ERBB4: variants seen among roughly 807,000 people sequenced by gnomAD.
The protein encoded by ERBB4 is erb-b2 receptor tyrosine kinase 4, also known as receptor tyrosine-protein kinase erbB-4.
A neutral mutation model predicts 158.0 loss-of-function variants in ERBB4; 42 were observed. The observed-to-expected ratio is 0.27, with a 90% confidence interval of 0.21 to 0.34. The LOEUF (loss-of-function observed/expected upper bound fraction) is 0.34, where lower values mean the gene tolerates loss of function less well. ERBB4 is among the 10% of genes least tolerant of loss of function. ERBB4 has a pLI of 1.00. For missense variants in ERBB4, 1,333 were observed against 1,624.1 expected, an observed-to-expected ratio of 0.82 and a Z score of 3.08; for synonymous variants, 583 against 558.7, an observed-to-expected ratio of 1.04 and a Z score of -0.61.
At chr2:212,114,831 G>T (rs1483127732) in intron 2 of ERBB4, among the ~76,000 whole-genome samples, 1 of 151,986 alleles carries the variant, frequency 6.6e-6, no homozygotes, top group Non-Finnish European at 1.5e-5. Flanking sequence ...CTCCAAAAAA[G>T]CTTTGTAAAA....
intron 1 of ERBB4, among the ~76,000 whole-genome samples, chr2:212,221,491 T>C (rs2083288941): frequency 1.3e-5 from 2 of 151,496 alleles, no homozygotes; most frequent in African/African-American, 2.4e-5. Context: ...TACAGACATC[T>C]CACTGAGTTT....
At chr2:211,756,974 C>A (rs1369233184) in intron 4 of ERBB4, among the ~76,000 whole-genome samples, 1 of 152,168 alleles carries the variant, frequency 6.6e-6, no homozygotes, top group East Asian at 1.9e-4. Flanking sequence ...CTAAAATATA[C>A]ATATAGCTTT....
chr2:211,527,391 GACAA>G (rs1336627788), intron 20 of ERBB4, among the ~76,000 whole-genome samples: 1 of 152,052 alleles, frequency 6.6e-6, no homozygotes, highest in African/African-American at 2.4e-5. Flanking sequence ...AATTTTGCCA[GACAA>G]ACAAAAGCTG....
chr2:211,875,946 C>T (rs2078487996), intron 3 of ERBB4, among the ~76,000 whole-genome samples: 1 of 152,048 alleles, frequency 6.6e-6, no homozygotes, highest in Non-Finnish European at 1.5e-5. Flanking sequence ...GGAGGCTATA[C>T]CATTTAGATT....
At chr2:212,421,146 A>G (rs1034896132) in intron 1 of ERBB4, among the ~76,000 whole-genome samples, 8 of 152,152 alleles carry the variant, frequency 5.3e-5, no homozygotes, top group Non-Finnish European at 1.2e-4. Flanking sequence ...TATATTTCAA[A>G]GAATTTCAGT....
intron 19 of ERBB4, among the ~76,000 whole-genome samples, chr2:211,603,136 C>A (rs1489826301): frequency 6.6e-6 from 1 of 152,096 alleles, no homozygotes. Context: ...GAGGCTGAGG[C>A]AGGAGAATCG....
intron 13 of ERBB4, among the ~76,000 whole-genome samples, chr2:211,673,788 TA>T (rs1173232237): frequency 2.0e-5 from 3 of 152,164 alleles, no homozygotes; most frequent in Non-Finnish European, 4.4e-5. Flanking sequence ...CCTTTTAAAA[TA>T]TCTGCCTTGG....
chr2:211,816,560 A>G (rs1476355748), intron 3 of ERBB4, among the ~76,000 whole-genome samples: 1 of 151,758 alleles, frequency 6.6e-6, no homozygotes, highest in Non-Finnish European at 1.5e-5. Flanking sequence ...AAAAAAAAAA[A>G]AAAGATATCT....
chr2:212,123,835 G>C (rs1559542062), intron 2 of ERBB4, among the ~76,000 whole-genome samples: 2 of 151,964 alleles, frequency 1.3e-5, no homozygotes, highest in Admixed American at 1.3e-4. Flanking sequence ...CCACTAACTG[G>C]CTTACTATAT....
chr2:212,498,498 G>A (rs1251472813), intron 1 of ERBB4, among the ~76,000 whole-genome samples: 1 of 152,044 alleles, frequency 6.6e-6, no homozygotes, highest in African/African-American at 2.4e-5. Context: ...TGCAAAAACA[G>A]TTCAAGTATT....
At chr2:212,142,650 T>C (rs902607953) in intron 1 of ERBB4, among the ~76,000 whole-genome samples, 8 of 148,782 alleles carry the variant, frequency 5.4e-5, no homozygotes, top group Admixed American at 2.0e-4. Flanking sequence ...CTCAATTATA[T>C]AGTTATATAA....
At chr2:212,489,339 T>C (rs1690148610) in intron 1 of ERBB4, among the ~76,000 whole-genome samples, 1 of 151,926 alleles carries the variant, frequency 6.6e-6, no homozygotes, top group African/African-American at 2.4e-5. Context: ...GGCTTGAGGC[T>C]CAATTAAGAC....
chr2:211,599,757 A>C (rs1201086968), intron 19 of ERBB4, among the ~76,000 whole-genome samples: 1 of 152,180 alleles, frequency 6.6e-6, no homozygotes. Flanking sequence ...ATTATTTCCT[A>C]TAAAACTTCT....
chr2:211,923,301 A>G (rs978991855), intron 3 of ERBB4, among the ~76,000 whole-genome samples: 2 of 152,202 alleles, frequency 1.3e-5, no homozygotes, highest in African/African-American at 2.4e-5. Context: ...TTGACAGATG[A>G]TGGGATATAA....
At position 212,182,879 on chromosome 2, in the gene ERBB4, G is replaced by GTT. The variant is rs35593055; in HGVS notation, c.83-57978_83-57977dup. Reference sequence around the variant, plus strand: ...TTGCTCAGGTAAAAGTTGGGTTGAGGTTTTTTTTTATTGATTTTTAAGATG... The same window carrying GTT: ...TTGCTCAGGTAAAAGTTGGGTTGAGGTTTTTTTTTTTATTGATTTTTAAGATG... On this transcript the variant is annotated intron_variant, in intron 1 of 27. Transcript: ENST00000342788. Among the ~76,000 whole-genome samples, 300 of 148,682 alleles carry GTT rather than the reference G, an allele frequency of 2.0e-3. 4 individuals are homozygous for GTT. The highest frequency in any genetic ancestry group is 0.011 in the Admixed American group (157 of 14,834).
intron 5 of ERBB4, among the ~76,000 whole-genome samples, chr2:211,741,618 C>A (rs539919572): frequency 1.3e-5 from 2 of 152,158 alleles, no homozygotes; most frequent in South Asian, 4.1e-4. Flanking sequence ...TCTTTTTGAT[C>A]ATTTCCAACA....
intron 3 of ERBB4, among the ~76,000 whole-genome samples, chr2:211,821,915 T>C (rs1182155636): frequency 6.6e-6 from 1 of 151,746 alleles, no homozygotes; most frequent in Admixed American, 6.6e-5. Flanking sequence ...GAAGAAAACA[T>C]AGGAAAAATG....
chr2:211,762,795 T>C (rs2075448158), intron 4 of ERBB4, among the ~76,000 whole-genome samples: 2 of 152,218 alleles, frequency 1.3e-5, no homozygotes, highest in African/African-American at 4.8e-5. Context: ...AGTTCTAAAC[T>C]GTTTTCTCAC....
chr2:212,514,181 TA>T lies in ERBB4; in HGVS notation c.82+24267del, dbSNP rs535684834. ...GTCAATGCATTGCACTGAAATTGTG[TA>T]AAAAAAAAAAAAGCTTTGCTGCACT... is the stretch of plus-strand genomic sequence containing the variant. On this transcript the variant is annotated intron_variant, in intron 1 of 27. Transcript: ENST00000342788. Among the ~76,000 whole-genome samples the T allele has an allele frequency of 5.6e-3, 769 of 137,922 alleles. 1 individual carries two copies. Among genetic ancestry groups the T allele is most frequent in the Middle Eastern group, 0.011 (3 of 272 alleles). The allele number at this position is 137,922 out of a possible 152,430, so 90.5% of individuals were successfully genotyped here.
Sources: gnomAD v4.1 joint callset for allele counts (sites outside exome capture counted in the v4.1 genomes callset) on GRCh38, gnomAD v4.1.1 for gene constraint, MANE v1.5 for transcripts, NCBI Gene and HGNC (gene_info 2026-07-23, HGNC 2026-07-21) for gene names.